KCNAB2: variants seen among roughly 807,000 people sequenced by gnomAD.
KCNAB2 encodes potassium voltage-gated channel subfamily A regulatory beta subunit 2, also known as voltage-gated potassium channel subunit beta-2.
KCNAB2 carries 29 observed loss-of-function variants against 63.6 expected under a neutral mutation model. That is an observed-to-expected ratio of 0.46 (90% CI 0.34 to 0.62). The LOEUF is 0.62. Ranked by LOEUF, KCNAB2 falls within the 20% of genes least tolerant of loss-of-function variation. KCNAB2 has a pLI of 0.01. For synonymous variants in KCNAB2, 222 were observed against 224.2 expected, an observed-to-expected ratio of 0.99 and a Z score of 0.09; for missense variants, 359 against 563.9, an observed-to-expected ratio of 0.64 and a Z score of 3.68.
At chr1:6,050,967 G>A (rs1661332606) in intron 1 of KCNAB2, among the ~76,000 whole-genome samples, 1 of 152,204 alleles carries the variant, frequency 6.6e-6, no homozygotes, top group South Asian at 2.1e-4. Context: ...TCCCATGTTG[G>A]GGCCACCTGG....
At chr1:6,054,893 G>A (rs1313754125) in intron 2 of KCNAB2, among the ~76,000 whole-genome samples, 3 of 152,222 alleles carry the variant, frequency 2.0e-5, no homozygotes, top group East Asian at 3.8e-4. Context: ...AGAAAAGGGG[G>A]CGCCATGCAA....
chr1:6,089,996 C>T (rs1272403093), intron 8 of KCNAB2, among the ~76,000 whole-genome samples: 1 of 152,244 alleles, frequency 6.6e-6, no homozygotes, highest in African/African-American at 2.4e-5. Flanking sequence ...GCCACCACGC[C>T]CGACCATAGA....
At chr1:6,062,357 G>A (rs1415152611) in intron 2 of KCNAB2, among the ~76,000 whole-genome samples, 5 of 151,984 alleles carry the variant, frequency 3.3e-5, no homozygotes, top group Admixed American at 6.6e-5. Flanking sequence ...TCTACCTTGG[G>A]TTCTCAAAAA....
intron 5 of KCNAB2, among the ~76,000 whole-genome samples, chr1:6,082,489 G>A (rs1013869831): frequency 2.0e-5 from 3 of 152,152 alleles, no homozygotes; most frequent in Non-Finnish European, 2.9e-5. Context: ...AACTCCCCGT[G>A]GAGCCACCAG....
At chr1:6,025,292 GT>G in intron 1 of KCNAB2, among the ~76,000 whole-genome samples, 1 of 152,078 alleles carries the variant, frequency 6.6e-6, no homozygotes, top group Non-Finnish European at 1.5e-5. Flanking sequence ...ACACACACGG[GT>G]GTGGCCTGGG....
In KCNAB2 at chr1:6,003,797, A is replaced by G. The variant is rs1657398844; in HGVS notation, c.-53+11009A>G. On this transcript the variant is annotated intron_variant, in intron 1 of 16. Transcript: ENST00000341524. The surrounding 1 kb of genome is among the most constrained non-coding windows in gnomAD (Gnocchi z 4.1). Reference sequence around the variant, plus strand: ...CAGCAATGAGTATTTTCATTTAAAAATGTTTTTGTCTGCTGGCTATGTGAT... The same window carrying G: ...CAGCAATGAGTATTTTCATTTAAAAGTGTTTTTGTCTGCTGGCTATGTGAT... 6.6e-6 allele frequency among the ~76,000 whole-genome samples: 1 copy of G among 152,198 alleles called. No individual in the cohort carries two copies. Among genetic ancestry groups the G allele is most frequent in the Admixed American group, 6.5e-5 (1 of 15,278 alleles).
chr1:6,006,577 TC>T (rs775147453), intron 1 of KCNAB2, among the ~76,000 whole-genome samples: 317 of 1,200 alleles, frequency 0.26, 145 homozygotes, highest in African/African-American at 0.42. Flanking sequence ...AGCTCCCACA[TC>T]CCCCCACTTC....
intron 8 of KCNAB2, among the ~76,000 whole-genome samples, chr1:6,089,309 G>A (rs572563733): frequency 1.3e-5 from 2 of 152,352 alleles, no homozygotes; most frequent in South Asian, 4.1e-4. Context: ...CCCCACACTG[G>A]CTGAGTGGGT....
At chr1:6,034,964 G>C (rs2100416639) in intron 1 of KCNAB2, among the ~76,000 whole-genome samples, 1 of 152,362 alleles carries the variant, frequency 6.6e-6, no homozygotes, top group South Asian at 2.1e-4. Context: ...GTGTGAGCAG[G>C]TGACAGGCGC....
intron 1 of KCNAB2, among the ~76,000 whole-genome samples, chr1:5,996,626 G>A (rs1387731398): frequency 6.6e-6 from 1 of 152,236 alleles, no homozygotes; most frequent in African/African-American, 2.4e-5. Context: ...CAGCACACAG[G>A]TACCCACAGA....
intron 1 of KCNAB2, among the ~76,000 whole-genome samples, chr1:6,020,172 G>A (rs1272049951): frequency 6.6e-6 from 1 of 152,168 alleles, no homozygotes; most frequent in East Asian, 1.9e-4. Context: ...CCTCCCCACA[G>A]TCCTGGCCCA....
At chr1:6,017,406 C>CTGTGTGTGTGTGTGTGTGTGTGTGTGTG (rs56202547) in intron 1 of KCNAB2, among the ~76,000 whole-genome samples, 1 of 147,188 alleles carries the variant, frequency 6.8e-6, no homozygotes. Flanking sequence ...CCATACCTGG[C>CTGTGTGTGTGTGTGTGTGTGTGTGTGTG]TGTGTGTGTG....
intron 2 of KCNAB2, among the ~76,000 whole-genome samples, chr1:6,067,689 G>C (rs956896487): frequency 2.0e-5 from 3 of 152,188 alleles, no homozygotes; most frequent in African/African-American, 4.8e-5. Context: ...GGAATTCTCT[G>C]TTCTAGAAGC....
At chr1:6,011,052 G>A (rs904771640) in intron 1 of KCNAB2, among the ~76,000 whole-genome samples, 10 of 152,216 alleles carry the variant, frequency 6.6e-5, no homozygotes, top group African/African-American at 2.4e-4. Flanking sequence ...CCACCAGGAC[G>A]ACCACTGCAA....
intron 2 of KCNAB2, among the ~76,000 whole-genome samples, chr1:6,066,749 T>G (rs1463625174): frequency 2.0e-5 from 3 of 152,108 alleles, no homozygotes; most frequent in Non-Finnish European, 4.4e-5. Context: ...GACTGTGGGG[T>G]GAACCCTGTG....
intron 1 of KCNAB2, among the ~76,000 whole-genome samples, chr1:6,040,006 T>C (rs1248014693): frequency 1.3e-5 from 2 of 152,214 alleles, no homozygotes; most frequent in Non-Finnish European, 2.9e-5. Context: ...GCTGCGGACA[T>C]CAGTGGCATC....
intron 1 of KCNAB2, among the ~76,000 whole-genome samples, chr1:6,012,247 G>A (rs1158461178): frequency 2.2e-4 from 33 of 147,064 alleles, no homozygotes; most frequent in African/African-American, 7.1e-4. Flanking sequence ...TGATGAAGGC[G>A]GAGGTGGTGG....
intron 8 of KCNAB2, 118 bp downstream of exon 8, chr1:6,089,169 G>A (rs188431900): frequency 3.7e-5 from 41 of 1,095,116 alleles, no homozygotes; most frequent in Middle Eastern, 2.9e-4. Flanking sequence ...GCCCAATCCC[G>A]GGGCACCCGG....
chr1:6,098,398 C>T, intron 15 of KCNAB2, 87 bp from the exon 16 acceptor site: 1 of 1,570,412 alleles, frequency 6.4e-7, no homozygotes. Context: ...GCCAGCCGAC[C>T]ATCTGGAAGA....
Sources: gnomAD v4.1 joint callset for allele counts (sites outside exome capture counted in the v4.1 genomes callset) on GRCh38, gnomAD v4.1.1 for gene constraint, Gnocchi (gnomAD v3.1) non-coding constraint, MANE v1.5 for transcripts, NCBI Gene and HGNC (gene_info 2026-07-23, HGNC 2026-07-21) for gene names.